ATF2: variants seen among roughly 807,000 people sequenced by gnomAD.
ATF2 encodes the protein activating transcription factor 2.
In ATF2, 24 loss-of-function variants were observed where a neutral mutation model predicts 60.6. The ratio of observed to expected loss-of-function variants is 0.40; its 90% CI spans 0.29 to 0.56. ATF2 has a LOEUF of 0.56. Ranked by LOEUF, ATF2 falls within the 20% of genes least tolerant of loss-of-function variation. The pLI is 0.54. For missense variants in ATF2, 433 were observed against 607.7 expected (o/e 0.71, Z 3.02); for synonymous variants, 206 against 215.4 (o/e 0.96, Z 0.38).
In ATF2 at chr2:175,074,727, G is replaced by A. The variant is rs537479900; in HGVS notation, c.1400C>T (p.Ser467Phe). The A allele has an allele frequency of 1.9e-5, 30 of 1,613,496 alleles. No individual in the cohort carries two copies. In the African/African-American group the frequency reaches 3.3e-4, roughly 18 times the overall value. ...VSTSNGVSSTSKAEAVATSVL... is the reference protein window; with the variant it reads ...VSTSNGVSSTFKAEAVATSVL... ...TGAAGTGGCTACAGCTTCTGCCTTG[G>A]AGGTTGAACTGACTCCATTGGATGT... Residue 467 changes from serine (S) to phenylalanine (F), a missense_variant, in exon 14 of 14, where the codon TCC becomes TTC. Transcript: ENST00000264110.
At chr2:175,082,819 CT>C (rs1168787028) in intron 12 of ATF2, among the ~76,000 whole-genome samples, 1 of 152,210 alleles carries the variant, frequency 6.6e-6, no homozygotes, top group Admixed American at 6.5e-5. Flanking sequence ...TCTTTATCCC[CT>C]CTTCTTTGTC....
At position 175,114,900 on chromosome 2, in the gene ATF2, T is replaced by C; in HGVS notation, c.448-32A>G. Reference sequence around the variant, plus strand: ...AACAATGAGATAAAAAAGGGTGGCATTTAAAAATACAAATCATGTACCTTA... The same window carrying C: ...AACAATGAGATAAAAAAGGGTGGCACTTAAAAATACAAATCATGTACCTTA... On this transcript the variant is annotated intron_variant, in intron 7 of 13. Coordinates refer to ENST00000264110, the MANE Select transcript of ATF2 (RefSeq NM_001880.4). 3 of 1,598,338 alleles carry C rather than the reference T, an allele frequency of 1.9e-6. No homozygotes were observed. The South Asian group carries it at 3.4e-5, about 18-fold the overall frequency.
At position 175,085,356 on chromosome 2, in the gene ATF2, G is replaced by A. The variant is rs546659806; in HGVS notation, c.1186-4591C>T. Among the ~76,000 whole-genome samples the A allele has an allele frequency of 2.8e-3, 419 of 152,028 alleles. 1 individual carries two copies. The highest frequency in any genetic ancestry group is 5.5e-3 in the Admixed American group (84 of 15,244). On this transcript the variant is annotated intron_variant, in intron 12 of 13. Coordinates refer to ENST00000264110, the MANE Select transcript of ATF2 (RefSeq NM_001880.4). The stretch of plus-strand genomic sequence containing the variant: ...TTAAGACCAGCCTGGCCAACGTGGT[G>A]AAACCCTGTCTCTACTAAAAATATA...
At chr2:175,114,663 G>A (rs746443361) in intron 8 of ATF2, 27 bp downstream of exon 8, 2 of 1,601,146 alleles carry the variant, frequency 1.2e-6, no homozygotes, top group African/African-American at 2.7e-5. Flanking sequence ...TCATGTATAT[G>A]TTCAATGATT....
In ATF2 at chr2:175,156,389, A is replaced by C. The variant is rs1288201799; in HGVS notation, c.-142-5231T>G. ...CTGTCTCAAAAAACAAAAAAAAAAA[A>C]AAAAAAAAAAAAAAGGACTACAGAT... On this transcript the variant is annotated intron_variant, in intron 1 of 13. Coordinates refer to ENST00000264110, the MANE Select transcript of ATF2 (RefSeq NM_001880.4). Among the ~76,000 whole-genome samples the C allele has an allele frequency of 5.1e-4, 77 of 149,710 alleles. 1 individual carries two copies. Among genetic ancestry groups the C allele is most frequent in the African/African-American group, 1.7e-3 (69 of 41,032 alleles).
intron 2 of ATF2, among the ~76,000 whole-genome samples, chr2:175,144,690 G>C (rs1698828233): frequency 6.6e-6 from 1 of 152,174 alleles, no homozygotes; most frequent in African/African-American, 2.4e-5. Context: ...GTTGAGGGTT[G>C]GGCTGGGAAA....
chr2:175,081,968 G>T (rs957423215), intron 12 of ATF2, among the ~76,000 whole-genome samples: 1 of 152,170 alleles, frequency 6.6e-6, no homozygotes, highest in Non-Finnish European at 1.5e-5. Context: ...TGAGGCAGGA[G>T]AACTGCTTGA....
At chr2:175,089,319 A>G (rs537881584) in intron 12 of ATF2, among the ~76,000 whole-genome samples, 62 of 152,354 alleles carry the variant, frequency 4.1e-4, no homozygotes, top group Admixed American at 2.5e-3. Context: ...AATTTAGTGA[A>G]TGCGGCAATA....
intron 12 of ATF2, among the ~76,000 whole-genome samples, chr2:175,090,638 ACTT>A (rs1326860448): frequency 2.0e-5 from 3 of 152,120 alleles, no homozygotes; most frequent in Non-Finnish European, 4.4e-5. Flanking sequence ...TACTGGTTTT[ACTT>A]CTTCTGTACA....
intron 1 of ATF2, among the ~76,000 whole-genome samples, chr2:175,158,156 C>T (rs1699802745): frequency 6.6e-6 from 1 of 151,898 alleles, no homozygotes; most frequent in Non-Finnish European, 1.5e-5. Flanking sequence ...AAACCTAAAT[C>T]AAGGAGTTTG....
chr2:175,129,229 T>C (rs1462063155), intron 4 of ATF2, among the ~76,000 whole-genome samples: 2 of 152,168 alleles, frequency 1.3e-5, no homozygotes, highest in African/African-American at 2.4e-5. Context: ...TACTATATGA[T>C]TCCATTTATA....
At chr2:175,143,194 T>A (rs1488629100) in intron 2 of ATF2, among the ~76,000 whole-genome samples, 1 of 152,156 alleles carries the variant, frequency 6.6e-6, no homozygotes, top group African/African-American at 2.4e-5. Context: ...CAGAGATAAC[T>A]ACTGTTAACA....
chr2:175,085,599 A>ACACACACACAC (rs1553501577), intron 12 of ATF2, among the ~76,000 whole-genome samples: 4 of 110,330 alleles, frequency 3.6e-5, no homozygotes, highest in South Asian at 2.8e-4. Flanking sequence ...CACACACACA[A>ACACACACACAC]ATTCTCTCTT....
rs141865540 is a variant in ATF2, at chr2:175,088,909, C to T, written c.1185+4152G>A. Reference sequence around the variant, plus strand: ...TAAAAATACAGTAATTGGCTGGGTGCAGTTGCTCATGCCTGTAATCCCAGC... The same window carrying T: ...TAAAAATACAGTAATTGGCTGGGTGTAGTTGCTCATGCCTGTAATCCCAGC... On this transcript the variant is annotated intron_variant, in intron 12 of 13. Coordinates refer to ENST00000264110, the MANE Select transcript of ATF2 (RefSeq NM_001880.4). 6.2e-3 allele frequency among the ~76,000 whole-genome samples: 951 copies of T among 152,248 alleles called. 4 individuals carry two copies. Among genetic ancestry groups the T allele is most frequent in the Non-Finnish European group, 0.011 (743 of 68,026 alleles).
chr2:175,143,968 A>G (rs911547056), intron 2 of ATF2, among the ~76,000 whole-genome samples: 1 of 152,024 alleles, frequency 6.6e-6, no homozygotes, highest in African/African-American at 2.4e-5. Flanking sequence ...TAATTTTTAC[A>G]TTTTTTGTAG....
intron 1 of ATF2, among the ~76,000 whole-genome samples, chr2:175,161,308 G>A (rs1464556169): frequency 1.3e-5 from 2 of 152,250 alleles, no homozygotes; most frequent in African/African-American, 2.4e-5. Flanking sequence ...TCAAGCTACA[G>A]CACAAGCATG....
intron 3 of ATF2, chr2:175,132,595 T>C (rs906742251): frequency 2.0e-5 from 3 of 152,204 alleles, no homozygotes; most frequent in Admixed American, 2.0e-4. Flanking sequence ...CTAAGTTCAG[T>C]GGCTTTATAA....
intron 12 of ATF2, among the ~76,000 whole-genome samples, chr2:175,086,367 G>A (rs1014630135): frequency 6.6e-6 from 1 of 152,184 alleles, no homozygotes; most frequent in Admixed American, 6.5e-5. Context: ...AACATAGCTG[G>A]AGTGCAGTTT....
chr2:175,121,460 G>A lies in ATF2; in HGVS notation c.183C>T (p.Asp61=), dbSNP rs1247661880. 6.3e-7 allele frequency: 1 copy of A among 1,598,106 alleles called. No homozygotes were observed. The highest frequency in any genetic ancestry group is 8.5e-7 in the Non-Finnish European group (1 of 1,171,302). Reference sequence around the variant, plus strand: ...TATACTAACCAGCCACAATGACACTGTCATTACGTGCTGGACCAAATTTCA... The same window carrying A: ...TATACTAACCAGCCACAATGACACTATCATTACGTGCTGGACCAAATTTCA... ...MTLKFGPARN[D]SVIVADQTPT... is the part of the protein sequence containing the mutation. The change falls in exon 5 of 14, where the codon GAC becomes GAT. Residue 61 remains aspartate, a synonymous_variant. Transcript: ENST00000264110.
Sources: gnomAD v4.1 joint callset for allele counts (sites outside exome capture counted in the v4.1 genomes callset) on GRCh38, gnomAD v4.1.1 for gene constraint, MANE v1.5 for transcripts, NCBI Gene and HGNC (gene_info 2026-07-23, HGNC 2026-07-21) for gene names.